WDFY2: variants seen among roughly 807,000 people sequenced by gnomAD.
WDFY2 encodes WD repeat and FYVE domain-containing protein 2.
A neutral mutation model predicts 56.4 loss-of-function variants in WDFY2; 36 were observed. The observed-to-expected ratio is 0.64, with a 90% CI of 0.49 to 0.84. The LOEUF is 0.84. Ranked by LOEUF, WDFY2 falls within the 40% of genes least tolerant of loss-of-function variation. The probability of loss-of-function intolerance (pLI) is 0.00; values close to 1 mark genes in which losing one functional copy is unlikely to be tolerated. For missense variants in WDFY2, 444 were observed against 512.2 expected (o/e 0.87, Z 1.29); for synonymous variants, 176 against 183.7 (o/e 0.96, Z 0.34).
Position 51,766,823 on chromosome 13 carries a change from T to G in WDFY2, c.*7054T>G, listed in dbSNP as rs1042153111. On this transcript the variant is annotated 3_prime_UTR_variant, in exon 12 of 12. Coordinates refer to ENST00000298125, the MANE Select transcript of WDFY2 (RefSeq NM_052950.4). Reference sequence around the variant, plus strand: ...CAGCTATGGTCCCATCACGGTTACATGTGGCCACGCACACACCGACAACCT... The same window carrying G: ...CAGCTATGGTCCCATCACGGTTACAGGTGGCCACGCACACACCGACAACCT... 6.6e-6 allele frequency: 1 copy of G among 152,256 alleles called. No individual in the cohort carries two copies. Among genetic ancestry groups the G allele is most frequent in the Admixed American group, 6.5e-5 (1 of 15,284 alleles). The allele number at this position is 152,256 out of a possible 1,614,324, so 9.4% of individuals were successfully genotyped here.
At chr13:51,647,308 G>A (rs1450065471) in intron 1 of WDFY2, among the ~76,000 whole-genome samples, 3 of 152,142 alleles carry the variant, frequency 2.0e-5, no homozygotes, top group Non-Finnish European at 2.9e-5. Context: ...TACCCACTAC[G>A]TCCCTAGGCT....
rs1414753723 is a variant in WDFY2, at chr13:51,630,950, CT to C, written c.138-29645del. On this transcript the variant is annotated intron_variant, in intron 1 of 11. Coordinates refer to ENST00000298125, the MANE Select transcript of WDFY2 (RefSeq NM_052950.4). Reference sequence around the variant, plus strand: ...TGTGCCACCACGCCCAGCTAATTTTCTGTATTTTTAGTACAGACGGGGTTTC... The same window carrying C: ...TGTGCCACCACGCCCAGCTAATTTTCGTATTTTTAGTACAGACGGGGTTTC... 1.2e-4 allele frequency among the ~76,000 whole-genome samples: 18 copies of C among 151,152 alleles called. No homozygotes were observed. The South Asian group carries it at 3.6e-3, about 30-fold the overall frequency.
intron 10 of WDFY2, 166 bp downstream of exon 10, chr13:51,756,628 G>A: frequency 1.0e-6 from 1 of 985,330 alleles, no homozygotes; most frequent in Non-Finnish European, 1.2e-6. Context: ...GAGATTTGTG[G>A]TATCCTGTGA....
chr13:51,745,999 CAG>C (rs1477349505), intron 7 of WDFY2, among the ~76,000 whole-genome samples: 1 of 101,344 alleles, frequency 9.9e-6, no homozygotes, highest in Non-Finnish European at 2.0e-5. Flanking sequence ...TTTTTTGAGA[CAG>C]AGTCTCGCTG....
At chr13:51,635,912 A>G (rs997196943) in intron 1 of WDFY2, among the ~76,000 whole-genome samples, 3 of 152,124 alleles carry the variant, frequency 2.0e-5, no homozygotes, top group Admixed American at 6.5e-5. Flanking sequence ...CTCATTCCCC[A>G]TTTCTCTTCT....
intron 1 of WDFY2, among the ~76,000 whole-genome samples, chr13:51,610,162 G>T (rs78092827): frequency 0.012 from 1,802 of 152,062 alleles, 30 homozygotes; most frequent in African/African-American, 0.036. Flanking sequence ...ATCTGAAGTG[G>T]CTTAGAGCTG....
intron 1 of WDFY2, among the ~76,000 whole-genome samples, chr13:51,614,415 A>G (rs1375650458): frequency 1.3e-5 from 2 of 152,174 alleles, no homozygotes; most frequent in East Asian, 3.9e-4. Context: ...GTAAACGGTT[A>G]TTTTCCTTTT....
intron 2 of WDFY2, among the ~76,000 whole-genome samples, chr13:51,669,093 C>A (rs528725577): frequency 6.6e-6 from 1 of 152,258 alleles, no homozygotes; most frequent in East Asian, 1.9e-4. Context: ...TCCCTCTAAT[C>A]CATTTAATTA....
chr13:51,747,115 CT>C, intron 7 of WDFY2, among the ~76,000 whole-genome samples: 1 of 152,324 alleles, frequency 6.6e-6, no homozygotes, highest in East Asian at 1.9e-4. Context: ...TGAGGCTGTC[CT>C]TTATTGAAGT....
At chr13:51,617,539 C>T (rs1954641130) in intron 1 of WDFY2, among the ~76,000 whole-genome samples, 1 of 151,990 alleles carries the variant, frequency 6.6e-6, no homozygotes, top group South Asian at 2.1e-4. Flanking sequence ...TCTTCTTTTC[C>T]CCCATAATCC....
chr13:51,605,565 A>G (rs1203022312), intron 1 of WDFY2, among the ~76,000 whole-genome samples: 13 of 152,208 alleles, frequency 8.5e-5, no homozygotes, highest in Admixed American at 3.9e-4. Context: ...CACCAAATAT[A>G]TATTATGAAA....
At chr13:51,730,072 A>G (rs1193988289) in intron 6 of WDFY2, among the ~76,000 whole-genome samples, 2 of 152,194 alleles carry the variant, frequency 1.3e-5, no homozygotes, top group African/African-American at 4.8e-5. Flanking sequence ...TAGGAGTGGA[A>G]TCATGCAGTA....
In WDFY2 at chr13:51,690,644, C is replaced by A. The variant is rs555118690; in HGVS notation, c.280-12952C>A. Among the ~76,000 whole-genome samples, 92 of 152,020 alleles carry A rather than the reference C, an allele frequency of 6.1e-4. 1 individual carries two copies. Among genetic ancestry groups the A allele is most frequent in the African/African-American group, 2.1e-3 (89 of 41,438 alleles). ...AAGTCTTTGCTGTCGTGAATAATGCCGCAATAAACATACGTGTGCATGTGT... is the reference window on the plus strand; with the variant it reads ...AAGTCTTTGCTGTCGTGAATAATGCAGCAATAAACATACGTGTGCATGTGT... On this transcript the variant is annotated intron_variant, in intron 3 of 11. Transcript: ENST00000298125.
chr13:51,667,876 CTTCTTTTTTTTTTTTTTT>C (rs1189073121), intron 2 of WDFY2, among the ~76,000 whole-genome samples: 1 of 97,128 alleles, frequency 1.0e-5, no homozygotes, highest in Non-Finnish European at 1.9e-5. Flanking sequence ...ACCTGAGGAA[CTTCTTTTTTTTTTTTTTT>C]TTTTTTTTTT....
At chr13:51,666,005 A>T (rs1321382181) in intron 2 of WDFY2, among the ~76,000 whole-genome samples, 1 of 152,094 alleles carries the variant, frequency 6.6e-6, no homozygotes, top group East Asian at 1.9e-4. Context: ...CCCAGTCTGA[A>T]GTGTGGTTGG....
intron 1 of WDFY2, among the ~76,000 whole-genome samples, chr13:51,647,136 G>C (rs1366492673): frequency 6.6e-6 from 1 of 152,126 alleles, no homozygotes; most frequent in African/African-American, 2.4e-5. Flanking sequence ...TTTTATATTA[G>C]AGACTTGAGC....
At chr13:51,706,571 A>G (rs1239047378) in intron 4 of WDFY2, among the ~76,000 whole-genome samples, 1 of 152,254 alleles carries the variant, frequency 6.6e-6, no homozygotes, top group Non-Finnish European at 1.5e-5. Context: ...CTCTGGATAG[A>G]GGATGGAATT....
chr13:51,718,005 A>G (rs1303454633), intron 4 of WDFY2, among the ~76,000 whole-genome samples: 1 of 152,220 alleles, frequency 6.6e-6, no homozygotes, highest in African/African-American at 2.4e-5. Context: ...GGTCATTACA[A>G]TGATTAAGCT....
At chr13:51,724,994 G>A (rs1173712156) in intron 5 of WDFY2, among the ~76,000 whole-genome samples, 1 of 152,104 alleles carries the variant, frequency 6.6e-6, no homozygotes, top group South Asian at 2.1e-4. Flanking sequence ...CATTTTTTTA[G>A]TGAGGAACAA....
Sources: gnomAD v4.1 joint callset for allele counts (sites outside exome capture counted in the v4.1 genomes callset) on GRCh38, gnomAD v4.1.1 for gene constraint, MANE v1.5 for transcripts, NCBI Gene and HGNC (gene_info 2026-07-23, HGNC 2026-07-21) for gene names.